The following MARCHF1 variants were observed in gnomAD, a reference collection of about 807,000 sequenced individuals.
The protein encoded by MARCHF1 is membrane associated ring-CH-type finger 1, also known as E3 ubiquitin-protein ligase MARCHF1.
A neutral mutation model predicts 54.2 loss-of-function variants in MARCHF1; 40 were observed. The observed-to-expected ratio is 0.74, with a 90% confidence interval of 0.57 to 0.96. MARCHF1 has a LOEUF of 0.96. MARCHF1 is among the 40% of genes least tolerant of loss of function. The pLI, the probability that MARCHF1 is intolerant of heterozygous loss-of-function variation, is 0.00. For missense variants in MARCHF1, 586 were observed against 656.5 expected (o/e 0.89, Z 1.17); for synonymous variants, 236 against 236.3 (o/e 1.00, Z 0.01).
intron 8 of MARCHF1, among the ~76,000 whole-genome samples, chr4:163,571,928 G>T (rs1262302552): frequency 6.6e-6 from 1 of 151,940 alleles, no homozygotes; most frequent in African/African-American, 2.4e-5. Context: ...CAACTTATAA[G>T]GAAAAAAGTA....
chr4:163,987,181 C>T (rs115124645), intron 3 of MARCHF1, among the ~76,000 whole-genome samples: 82 of 152,290 alleles, frequency 5.4e-4, no homozygotes, highest in African/African-American at 1.9e-3. Context: ...GAAACAGACA[C>T]TCTAGAGAAT....
chr4:164,288,566 A>G (rs1734207459), intron 1 of MARCHF1, among the ~76,000 whole-genome samples: 1 of 152,122 alleles, frequency 6.6e-6, no homozygotes, highest in African/African-American at 2.4e-5. Flanking sequence ...AAAACTAAAG[A>G]AAAACTAATT....
At chr4:163,861,005 A>C (rs1020900627) in intron 3 of MARCHF1, among the ~76,000 whole-genome samples, 11 of 152,240 alleles carry the variant, frequency 7.2e-5, no homozygotes, top group African/African-American at 2.4e-4. Flanking sequence ...TATGACACAG[A>C]TAATAGGTCA....
intron 2 of MARCHF1, among the ~76,000 whole-genome samples, chr4:164,102,738 T>C (rs1755596509): frequency 1.3e-5 from 2 of 151,482 alleles, no homozygotes; most frequent in Non-Finnish European, 1.5e-5. Flanking sequence ...AACATCATAA[T>C]GACAGGATTA....
At chr4:163,823,919 T>C (rs965944611) in intron 4 of MARCHF1, among the ~76,000 whole-genome samples, 3 of 151,828 alleles carry the variant, frequency 2.0e-5, no homozygotes, top group Non-Finnish European at 4.4e-5. Context: ...AAAAAGAAAT[T>C]ATAGCCAATT....
chr4:163,789,575 G>A lies in MARCHF1; in HGVS notation c.111+64446C>T, dbSNP rs189157145. ...AATGTATATTAGAGTCATCTGAGGA[G>A]CTAGAAAAAGGAGCTGATTCTTGGC... On this transcript the variant is annotated intron_variant, in intron 4 of 9. Transcript: ENST00000514618. 2.6e-3 allele frequency among the ~76,000 whole-genome samples: 391 copies of A among 148,126 alleles called. 1 individual carries two copies. The highest frequency in any genetic ancestry group is 2.9e-3 in the Non-Finnish European group (191 of 65,656).
intron 1 of MARCHF1, among the ~76,000 whole-genome samples, chr4:164,118,267 T>C (rs896198169): frequency 6.6e-6 from 1 of 151,690 alleles, no homozygotes; most frequent in Non-Finnish European, 1.5e-5. Context: ...GAACTTAATA[T>C]TCTATTAAAA....
intron 5 of MARCHF1, among the ~76,000 whole-genome samples, chr4:163,649,429 C>T (rs10014567): frequency 0.49 from 73,869 of 151,680 alleles, 18,685 homozygotes; most frequent in East Asian, 0.79. Context: ...GAAAAATAAT[C>T]GGTGATATCT....
chr4:163,677,982 T>C (rs1450193664), intron 5 of MARCHF1, among the ~76,000 whole-genome samples: 1 of 152,212 alleles, frequency 6.6e-6, no homozygotes, highest in African/African-American at 2.4e-5. Flanking sequence ...AGTGAATTCA[T>C]ATGAAAAATT....
At chr4:164,297,680 ACTAG>A (rs929643412) in intron 1 of MARCHF1, among the ~76,000 whole-genome samples, 4 of 39,994 alleles carry the variant, frequency 1.0e-4, no homozygotes, top group Non-Finnish European at 6.5e-4. Context: ...CTGCAGTTTA[ACTAG>A]TAGTAATGCA....
chr4:163,816,280 C>T (rs986037892), intron 4 of MARCHF1, among the ~76,000 whole-genome samples: 1 of 152,066 alleles, frequency 6.6e-6, no homozygotes, highest in Non-Finnish European at 1.5e-5. Context: ...ACTTTTCATA[C>T]AGTCCTATGT....
intron 7 of MARCHF1, among the ~76,000 whole-genome samples, chr4:163,586,366 A>G (rs1740413262): frequency 6.6e-6 from 1 of 152,134 alleles, no homozygotes; most frequent in Non-Finnish European, 1.5e-5. Flanking sequence ...ATATTGCCAA[A>G]TCAAAAAAAA....
intron 1 of MARCHF1, among the ~76,000 whole-genome samples, chr4:164,146,799 C>T (rs1210365371): frequency 2.6e-5 from 4 of 152,168 alleles, no homozygotes; most frequent in African/African-American, 9.6e-5. Flanking sequence ...AAAGCAATGG[C>T]AACAGAAGCC....
intron 3 of MARCHF1, among the ~76,000 whole-genome samples, chr4:163,917,853 G>A (rs1389825327): frequency 6.6e-6 from 1 of 152,098 alleles, no homozygotes; most frequent in Non-Finnish European, 1.5e-5. Context: ...TTTTTAGGTT[G>A]CCTGTTGGCT....
At position 163,727,568 on chromosome 4, in the gene MARCHF1, G is replaced by A. The variant is rs994422337; in HGVS notation, c.112-26705C>T. Among the ~76,000 whole-genome samples the A allele has an allele frequency of 2.6e-5, 4 of 151,808 alleles. No homozygotes were observed. In the South Asian group the frequency reaches 6.2e-4, roughly 24 times the overall value. ...GATCTGCCCACCTCGGCCTCCCAAA[G>A]TGCTGGGATTACAGGCGTGAGCCAA... On this transcript the variant is annotated intron_variant, in intron 4 of 9. Transcript: ENST00000514618.
intron 9 of MARCHF1, among the ~76,000 whole-genome samples, chr4:163,539,612 A>G (rs934245113): frequency 2.6e-5 from 4 of 152,182 alleles, no homozygotes; most frequent in Admixed American, 6.5e-5. Flanking sequence ...GCTTGACTCA[A>G]GGTAAGCTTC....
chr4:163,848,983 T>C (rs564045101), intron 4 of MARCHF1, among the ~76,000 whole-genome samples: 3 of 152,332 alleles, frequency 2.0e-5, no homozygotes, highest in Non-Finnish European at 2.9e-5. Flanking sequence ...TCAGTAGATA[T>C]GTATAATCTT....
At chr4:163,825,083 T>A (rs1748810376) in intron 4 of MARCHF1, among the ~76,000 whole-genome samples, 1 of 151,962 alleles carries the variant, frequency 6.6e-6, no homozygotes, top group African/African-American at 2.4e-5. Flanking sequence ...AAAATACCAG[T>A]TTTTTGATCC....
intron 2 of MARCHF1, among the ~76,000 whole-genome samples, chr4:164,058,490 G>T (rs1270427684): frequency 6.6e-6 from 1 of 152,192 alleles, no homozygotes; most frequent in Non-Finnish European, 1.5e-5. Context: ...GGCGACCTCA[G>T]TTGCATGGCA....
Sources: allele counts gnomAD v4.1 joint callset (sites outside exome capture counted in the v4.1 genomes callset), GRCh38; gene constraint gnomAD v4.1.1; transcripts MANE v1.5; gene names NCBI Gene and HGNC (gene_info 2026-07-23, HGNC 2026-07-21).